MACROD2: variants seen among roughly 807,000 people sequenced by gnomAD.
The protein encoded by MACROD2 is mono-ADP ribosylhydrolase 2.
Under a neutral mutation model 70.4 loss-of-function variants are expected in MACROD2, and 36 were observed. The ratio of observed to expected loss-of-function variants is 0.51; its 90% CI spans 0.39 to 0.68. The LOEUF (loss-of-function observed/expected upper bound fraction) is 0.68. Ranked by LOEUF, MACROD2 falls within the 30% of genes least tolerant of loss-of-function variation. The probability of loss-of-function intolerance (pLI) is 0.00; values close to 1 mark genes in which losing one functional copy is unlikely to be tolerated. For synonymous variants in MACROD2, 172 were observed against 178.8 expected, an observed-to-expected ratio of 0.96 and a Z score of 0.30; for missense variants, 496 against 538.4, an observed-to-expected ratio of 0.92 and a Z score of 0.78.
chr20:14,955,978 AAAAG>A (rs1309139158), intron 5 of MACROD2, among the ~76,000 whole-genome samples: 1 of 152,182 alleles, frequency 6.6e-6, no homozygotes, highest in African/African-American at 2.4e-5. Flanking sequence ...AGTTTTTCTG[AAAAG>A]AAAGAATTCT....
At chr20:14,425,544 A>G (rs893814950) in intron 3 of MACROD2, among the ~76,000 whole-genome samples, 1 of 152,184 alleles carries the variant, frequency 6.6e-6, no homozygotes, top group Non-Finnish European at 1.5e-5. Context: ...TTGGTTTTCT[A>G]TGTACTTGTT....
chr20:15,044,479 C>T (rs773947549), intron 5 of MACROD2, among the ~76,000 whole-genome samples: 28 of 152,094 alleles, frequency 1.8e-4, no homozygotes, highest in Non-Finnish European at 3.4e-4. Context: ...CCCATTTGCC[C>T]TCCAGACCCA....
At chr20:16,020,315 C>T (rs1481793588) in intron 15 of MACROD2, among the ~76,000 whole-genome samples, 2 of 152,026 alleles carry the variant, frequency 1.3e-5, no homozygotes, top group African/African-American at 2.4e-5. Flanking sequence ...TCCCATGGTC[C>T]TTTGCTCCTG....
At chr20:15,700,800 C>T (rs896793587) in intron 8 of MACROD2, among the ~76,000 whole-genome samples, 3 of 152,242 alleles carry the variant, frequency 2.0e-5, no homozygotes, top group South Asian at 4.1e-4. Flanking sequence ...AATAAGCACA[C>T]GTATAATTTT....
At chr20:15,881,018 G>C (rs945726513) in intron 9 of MACROD2, among the ~76,000 whole-genome samples, 4 of 151,960 alleles carry the variant, frequency 2.6e-5, no homozygotes, top group African/African-American at 9.7e-5. Context: ...CAGATAATCT[G>C]TTACCTTCTT....
chr20:14,075,296 T>C (rs2053903446), intron 2 of MACROD2, among the ~76,000 whole-genome samples: 1 of 152,200 alleles, frequency 6.6e-6, no homozygotes, highest in South Asian at 2.1e-4. Context: ...CCACTATGAA[T>C]GACAAATGCT....
At chr20:15,623,706 A>G (rs776742800) in intron 8 of MACROD2, among the ~76,000 whole-genome samples, 3 of 151,672 alleles carry the variant, frequency 2.0e-5, no homozygotes, top group Non-Finnish European at 2.9e-5. Flanking sequence ...CTATCTATCT[A>G]TCTATCTATC....
At chr20:14,052,550 GTT>G (rs778396856) in intron 2 of MACROD2, among the ~76,000 whole-genome samples, 370 of 152,148 alleles carry the variant, frequency 2.4e-3, no homozygotes, top group Non-Finnish European at 3.6e-3. Flanking sequence ...AATGCTGTGC[GTT>G]TTAATTAAGT....
chr20:15,799,797 A>G (rs1441356273), intron 8 of MACROD2, among the ~76,000 whole-genome samples: 2 of 152,136 alleles, frequency 1.3e-5, no homozygotes, highest in African/African-American at 2.4e-5. Context: ...TTTCCTTTTG[A>G]TAAGTAATCA....
chr20:15,713,876 G>A (rs144931664), intron 8 of MACROD2, among the ~76,000 whole-genome samples: 3 of 152,132 alleles, frequency 2.0e-5, no homozygotes, highest in African/African-American at 7.2e-5. Context: ...TGAAATCCAA[G>A]GGGCCAGGAG....
intron 3 of MACROD2, among the ~76,000 whole-genome samples, chr20:14,228,542 A>G (rs1340849212): frequency 6.6e-6 from 1 of 152,044 alleles, no homozygotes; most frequent in Non-Finnish European, 1.5e-5. Context: ...GTAATAGCAA[A>G]AGGTTAGAAA....
At chr20:15,123,799 T>C (rs2076047526) in intron 5 of MACROD2, among the ~76,000 whole-genome samples, 1 of 152,138 alleles carries the variant, frequency 6.6e-6, no homozygotes, top group Admixed American at 6.5e-5. Flanking sequence ...TGGCATAACA[T>C]TTCTATTTAA....
At chr20:14,090,561 AG>A (rs1433019215) in intron 3 of MACROD2, among the ~76,000 whole-genome samples, 1 of 112,244 alleles carries the variant, frequency 8.9e-6, no homozygotes, top group Non-Finnish European at 1.9e-5. Context: ...CAACAGAGCA[AG>A]ACTCCGTGTC....
chr20:15,777,564 TC>T, intron 8 of MACROD2, among the ~76,000 whole-genome samples: 3 of 104,838 alleles, frequency 2.9e-5, no homozygotes, highest in Admixed American at 1.9e-4. Context: ...CTTCCTTCCT[TC>T]CTTCCTTCCT....
At chr20:14,159,076 A>G (rs916248342) in intron 3 of MACROD2, among the ~76,000 whole-genome samples, 10 of 152,112 alleles carry the variant, frequency 6.6e-5, no homozygotes, top group Non-Finnish European at 8.8e-5. Context: ...ATCTCTACTA[A>G]AAATACAAAA....
intron 7 of MACROD2, among the ~76,000 whole-genome samples, chr20:15,451,551 C>T (rs1294190285): frequency 6.6e-6 from 1 of 151,830 alleles, no homozygotes; most frequent in Non-Finnish European, 1.5e-5. Flanking sequence ...TGCAGAAAGG[C>T]CCTTTTTGCC....
At chr20:14,994,803 G>A (rs2423910) in intron 5 of MACROD2, among the ~76,000 whole-genome samples, 1 of 151,766 alleles carries the variant, frequency 6.6e-6, no homozygotes, top group African/African-American at 2.4e-5. Flanking sequence ...GTCAATGAAT[G>A]TAGTAATTAC....
intron 5 of MACROD2, among the ~76,000 whole-genome samples, chr20:15,098,757 G>A (rs1031161234): frequency 6.6e-6 from 1 of 152,234 alleles, no homozygotes; most frequent in African/African-American, 2.4e-5. Context: ...ACCTAAGGTG[G>A]TGATATCTAA....
At chr20:14,312,428 T>C (rs1193591303) in intron 3 of MACROD2, among the ~76,000 whole-genome samples, 1 of 152,210 alleles carries the variant, frequency 6.6e-6, no homozygotes, top group East Asian at 1.9e-4. Context: ...TCTCCTACTT[T>C]CTTTAAATTT....
Sources: allele counts gnomAD v4.1 joint callset (sites outside exome capture counted in the v4.1 genomes callset), GRCh38; gene constraint gnomAD v4.1.1; transcripts MANE v1.5; gene names NCBI Gene and HGNC (gene_info 2026-07-23, HGNC 2026-07-21).